Variants in DNAH9 observed in about 807,000 individuals in gnomAD.
DNAH9 encodes the protein DNAH9 variant protein.
A neutral mutation model predicts 471.6 loss-of-function variants in DNAH9; 345 were observed. That is an observed-to-expected ratio of 0.73 (90% confidence interval 0.67 to 0.80). DNAH9 has a LOEUF of 0.80. Among genes scored for constraint, DNAH9 ranks in the 30% least tolerant of loss-of-function variants. The pLI, the probability that DNAH9 is intolerant of heterozygous loss-of-function variation, is 0.00. For synonymous variants in DNAH9, 2,093 were observed against 2,123.6 expected (o/e 0.99, Z 0.40); for missense variants, 5,407 against 5,609.2 (o/e 0.96, Z 1.15).
In DNAH9 at chr17:11,621,810, G is replaced by A. The variant is rs371986749; in HGVS notation, c.1350+2029G>A. On this transcript the variant is annotated intron_variant, in intron 6 of 68. Transcript: ENST00000262442. Reference sequence around the variant, plus strand: ...AGAAAAGTGAGATTGGGCTGGGTGCGGTGGCTCACGCCTGTAATCCCAGCA... The same window carrying A: ...AGAAAAGTGAGATTGGGCTGGGTGCAGTGGCTCACGCCTGTAATCCCAGCA... 1.7e-3 allele frequency among the ~76,000 whole-genome samples: 257 copies of A among 152,240 alleles called. 1 individual carries two copies. Among genetic ancestry groups the A allele is most frequent in the Middle Eastern group, 0.01 (3 of 294 alleles).
At chr17:11,963,137 T>C (rs7213367) in intron 68 of DNAH9, among the ~76,000 whole-genome samples, 1,753 of 112,286 alleles carry the variant, frequency 0.016, 30 homozygotes, top group African/African-American at 0.043. Flanking sequence ...CCAGTGCCCT[T>C]ATAAGAAGAC....
rs1442884134 is a variant in DNAH9, at chr17:11,962,897, T to C, written c.13233+641T>C. On this transcript the variant is annotated intron_variant, in intron 68 of 68. Coordinates refer to ENST00000262442, the MANE Select transcript of DNAH9 (RefSeq NM_001372.4). This position sits in a 1 kb window ranked among gnomAD's most constrained non-coding sequence, Gnocchi z 4.1. ...GTAGATATCACTTAAAGTGGCATTT[T>C]GAAAGGATTCCTTATCAAAGGCTAA... is the stretch of plus-strand genomic sequence containing the variant. Among the ~76,000 whole-genome samples the C allele has an allele frequency of 1.3e-5, 2 of 152,188 alleles. No individual in the cohort carries two copies. The highest frequency in any genetic ancestry group is 2.9e-5 in the Non-Finnish European group (2 of 68,036).
At chr17:11,652,149 A>C (rs1403588172) in intron 13 of DNAH9, among the ~76,000 whole-genome samples, 1 of 152,174 alleles carries the variant, frequency 6.6e-6, no homozygotes, top group Non-Finnish European at 1.5e-5. Context: ...AACCCAAATA[A>C]GGTCATCAAG....
At chr17:11,654,814 A>C (rs2073603615) in intron 14 of DNAH9, among the ~76,000 whole-genome samples, 1 of 152,086 alleles carries the variant, frequency 6.6e-6, no homozygotes, top group South Asian at 2.1e-4. Flanking sequence ...TAAGAAAACG[A>C]AGGCACAGAC....
At chr17:11,807,700 A>G in intron 43 of DNAH9, 32 bp from the exon 44 acceptor site, 2 of 1,583,514 alleles carry the variant, frequency 1.3e-6, no homozygotes, top group Non-Finnish European at 1.7e-6. Flanking sequence ...AAGTCTGATC[A>G]AAGCAACATG....
At chr17:11,693,202 C>T (rs1014561511) in intron 20 of DNAH9, among the ~76,000 whole-genome samples, 10 of 146,342 alleles carry the variant, frequency 6.8e-5, no homozygotes, top group South Asian at 2.2e-4. Flanking sequence ...TGTGAGCCAC[C>T]GCGCCCAGCT....
At chr17:11,650,981 C>A in intron 12 of DNAH9, 88 bp from the exon 13 acceptor site, 2 of 1,357,282 alleles carry the variant, frequency 1.5e-6, no homozygotes, top group Non-Finnish European at 2.0e-6. Flanking sequence ...GATCTTTGGG[C>A]CTCCTGGGAT....
chr17:11,881,678 G>A (rs117768459), intron 55 of DNAH9, among the ~76,000 whole-genome samples: 1 of 152,116 alleles, frequency 6.6e-6, no homozygotes, highest in East Asian at 1.9e-4. Context: ...GGAGGCCAAG[G>A]TGGGCGGATC....
At chr17:11,745,978 A>C (rs1022853614) in intron 31 of DNAH9, among the ~76,000 whole-genome samples, 2 of 152,236 alleles carry the variant, frequency 1.3e-5, no homozygotes, top group African/African-American at 4.8e-5. Context: ...GTTACCAGTA[A>C]GAATTCTAGA....
intron 50 of DNAH9, among the ~76,000 whole-genome samples, chr17:11,860,984 T>A (rs554118714): frequency 6.6e-6 from 1 of 152,292 alleles, no homozygotes; most frequent in East Asian, 1.9e-4. Flanking sequence ...TCCTTTTGGT[T>A]CTTGATGTCT....
chr17:11,747,543 C>T lies in DNAH9; in HGVS notation c.6400-13C>T, dbSNP rs746172281. ...CAGGCTGGTCCCTCTGGCTGAATTT[C>T]CTGCCTCCTCAGGTGGTCCAGCTGG... On this transcript the variant is annotated splice_polypyrimidine_tract_variant and intron_variant, in intron 31 of 68. Transcript: ENST00000262442. 1.2e-6 allele frequency: 2 copies of T among 1,611,412 alleles called. No homozygotes were observed. The highest frequency in any genetic ancestry group is 1.7e-6 in the Non-Finnish European group (2 of 1,178,914).
intron 28 of DNAH9, among the ~76,000 whole-genome samples, chr17:11,731,046 G>A: frequency 8.6e-6 from 1 of 116,534 alleles, no homozygotes; most frequent in South Asian, 2.9e-4. Context: ...TGTCAGTGAT[G>A]ATGGTGATGG....
At chr17:11,669,930 G>A in intron 17 of DNAH9, 136 bp downstream of exon 17, 2 of 755,520 alleles carry the variant, frequency 2.6e-6, no homozygotes, top group East Asian at 2.5e-5. Context: ...GAGGTTCTAG[G>A]CTTTTGGACA....
Position 11,962,589 on chromosome 17 carries a change from T to C in DNAH9, c.13233+333T>C, listed in dbSNP as rs536867766. On this transcript the variant is annotated intron_variant, in intron 68 of 68. Transcript: ENST00000262442. This position sits in a 1 kb window ranked among gnomAD's most constrained non-coding sequence, Gnocchi z 4.1. Reference sequence around the variant, plus strand: ...CCTGTTAGATGGGAGAAGAGCGTCATTGTAAAAGTTAAACGAGCTAATATG... The same window carrying C: ...CCTGTTAGATGGGAGAAGAGCGTCACTGTAAAAGTTAAACGAGCTAATATG... Among the ~76,000 whole-genome samples, 1 of 152,298 alleles carries C rather than the reference T, an allele frequency of 6.6e-6. No individual in the cohort carries two copies. The highest frequency in any genetic ancestry group is 1.9e-4 in the East Asian group (1 of 5,180).
At position 11,822,470 on chromosome 17, in the gene DNAH9, G is replaced by C. The variant is rs776780513; in HGVS notation, c.8883G>C (p.Lys2961Asn). ...VTLCFSPVGN[K>N]LRVRSRKFPA... The stretch of plus-strand genomic sequence containing the variant: ...TCTGTTTCTCCCCTGTGGGAAACAA[G>C]CTAAGAGTCCGCAGCAGGAAGTTCC... Residue 2961 changes from lysine (K) to asparagine (N), a missense_variant, in exon 47 of 69, where the codon AAG (lysine) becomes AAC (asparagine). Physicochemically the swap from Lys to Asn is moderately conservative, Grantham distance 94 (BLOSUM62 0). Around this residue, in one of 3 missense-constraint regions of DNAH9, gnomAD observed 4,636 missense variants for 4,900.3 expected, o/e 0.95. Coordinates refer to ENST00000262442, the MANE Select transcript of DNAH9 (RefSeq NM_001372.4). The C allele has an allele frequency of 6.2e-7, 1 of 1,614,174 alleles. No homozygotes were observed. Among genetic ancestry groups the C allele is most frequent in the Non-Finnish European group, 8.5e-7 (1 of 1,180,032 alleles).
At chr17:11,604,856 C>T (rs909221756) in intron 1 of DNAH9, among the ~76,000 whole-genome samples, 34 of 152,196 alleles carry the variant, frequency 2.2e-4, no homozygotes, top group South Asian at 2.1e-4. Context: ...TGGTAGGTGG[C>T]CTCCCTTTCC....
intron 59 of DNAH9, among the ~76,000 whole-genome samples, chr17:11,898,149 G>C (rs111346245): frequency 1.4e-5 from 2 of 147,922 alleles, no homozygotes; most frequent in Non-Finnish European, 3.0e-5. Context: ...TTTTTGAGGC[G>C]GAGTCTCGCT....
rs118110580 is a variant in DNAH9, at chr17:11,623,813, G to A, written c.1350+4032G>A. Among the ~76,000 whole-genome samples the A allele has an allele frequency of 2.8e-3, 421 of 152,226 alleles. 1 individual carries two copies. The highest frequency in any genetic ancestry group is 4.1e-3 in the Non-Finnish European group (279 of 68,020). ...TGTGTTTATCTCTCTGCATGCTCTC[G>A]TCACGGGTTAGAGTGTGAAGGGCTG... On this transcript the variant is annotated intron_variant, in intron 6 of 68. Coordinates refer to ENST00000262442, the MANE Select transcript of DNAH9 (RefSeq NM_001372.4). This position sits in a 1 kb window ranked among gnomAD's most constrained non-coding sequence, Gnocchi z 4.1.
intron 15 of DNAH9, 69 bp downstream of exon 15, chr17:11,665,037 T>C (rs1040140269): frequency 9.8e-6 from 14 of 1,427,290 alleles, no homozygotes; most frequent in Middle Eastern, 1.8e-4. Context: ...TTGAATTATA[T>C]TGAAGAGCAG....
Sources: allele counts gnomAD v4.1 joint callset (sites outside exome capture counted in the v4.1 genomes callset), GRCh38; gene constraint gnomAD v4.1.1; regional missense constraint gnomAD v4.1.1; non-coding constraint Gnocchi (gnomAD v3.1); transcripts MANE v1.5; gene names NCBI Gene and HGNC (gene_info 2026-07-23, HGNC 2026-07-21).